Variants in BTK observed in about 807,000 individuals in gnomAD.
BTK encodes Bruton tyrosine kinase.
BTK carries 5 observed loss-of-function variants against 57.4 expected under a neutral mutation model. That is an observed-to-expected ratio of 0.09 (90% confidence interval 0.05 to 0.18). The LOEUF (loss-of-function observed/expected upper bound fraction) is 0.18, where lower values mean the gene tolerates loss of function less well. Among genes scored for constraint, BTK ranks in the 10% least tolerant of loss-of-function variants. The pLI is 1.00. For missense variants in BTK, 194 were observed against 501.2 expected (o/e 0.39, Z 5.85); for synonymous variants, 154 against 174.3 (o/e 0.88, Z 0.92).
chrX:101,359,424 C>A, intron 9 of BTK, 77 bp from the exon 10 acceptor site: 1 of 976,613 alleles, frequency 1.0e-6, no homozygotes, highest in Non-Finnish European at 1.5e-6. Context: ...CAGGGCTTGT[C>A]CATGTCAGTG....
At chrX:101,382,716 G>T (rs1555981967) in intron 1 of BTK, among the ~76,000 whole-genome samples, 1 of 111,590 alleles carries the variant, frequency 9.0e-6, no homozygotes, top group Non-Finnish European at 1.9e-5. Context: ...TCAGATCAGT[G>T]GTAATACTTT....
At chrX:101,362,136 C>T (rs372518266) in intron 7 of BTK, 37 bp downstream of exon 7, 9 of 1,187,060 alleles carry the variant, frequency 7.6e-6, no homozygotes, top group Non-Finnish European at 9.2e-6. Context: ...TATAAGTTTC[C>T]ATTTAAGCAG....
At chrX:101,389,571 C>T (rs370008668), upstream of BTK, among the ~76,000 whole-genome samples, 1 of 111,323 alleles carries the variant, frequency 9.0e-6, no homozygotes, top group East Asian at 2.8e-4. Flanking sequence ...AGGTCCCACG[C>T]GTGTTCCTGG....
At chrX:101,371,203 A>C (rs1039095009) in intron 4 of BTK, among the ~76,000 whole-genome samples, 1 of 112,193 alleles carries the variant, frequency 8.9e-6, no homozygotes, top group Non-Finnish European at 1.9e-5. Flanking sequence ...AACAGAATTT[A>C]GGTTTATGCA....
chrX:101,360,035 T>TATAG (rs1555978402), intron 9 of BTK, 53 bp downstream of exon 9: 5 of 503,820 alleles, frequency 9.9e-6, no homozygotes, highest in Admixed American at 2.7e-5. Context: ...TATATATATA[T>TATAG]AGAGAGAGAG....
intron 8 of BTK, 121 bp downstream of exon 8, chrX:101,360,447 A>G: frequency 1.3e-6 from 1 of 779,527 alleles, no homozygotes; most frequent in South Asian, 2.3e-5. Flanking sequence ...GAGCATGTTC[A>G]GTCTGGTGTG....
chrX:101,364,486 CACTT>C (rs1468620553), intron 5 of BTK, among the ~76,000 whole-genome samples: 1 of 109,268 alleles, frequency 9.2e-6, no homozygotes, highest in African/African-American at 3.3e-5. Flanking sequence ...ACACTTCACT[CACTT>C]AAGGCTTTGC....
chrX:101,374,356 G>A, intron 3 of BTK, 180 bp downstream of exon 3: 1 of 479,010 alleles, frequency 2.1e-6, no homozygotes, highest in Non-Finnish European at 3.7e-6. Flanking sequence ...GAGATGTTCT[G>A]AATATGAAGG....
Position 101,349,676 on chromosome X carries a change from T to G in BTK, c.*209A>C. 2.3e-6 allele frequency: 1 copy of G among 438,926 alleles called. No individual in the cohort carries two copies. The highest frequency in any genetic ancestry group is 4.0e-6 in the Non-Finnish European group (1 of 249,026). 36.2% of individuals were successfully genotyped at this position (438,926 alleles called of 1,213,427 possible). ...GTCTGTCTTAATTCTCTCGGGAAATTTCAGGCACAATAATTTCTTGGCCTT... is the reference window on the plus strand; with the variant it reads ...GTCTGTCTTAATTCTCTCGGGAAATGTCAGGCACAATAATTTCTTGGCCTT... On this transcript the variant is annotated 3_prime_UTR_variant, in exon 19 of 19. Coordinates refer to ENST00000308731, the MANE Select transcript of BTK (RefSeq NM_000061.3).
chrX:101,378,878 A>G (rs1435983710), intron 1 of BTK, among the ~76,000 whole-genome samples: 6 of 111,369 alleles, frequency 5.4e-5, no homozygotes, highest in Non-Finnish European at 9.4e-5. Flanking sequence ...ATAAAATACT[A>G]TTAAGAATAA....
chrX:101,380,689 A>G (rs1927381005), intron 1 of BTK, among the ~76,000 whole-genome samples: 1 of 111,211 alleles, frequency 9.0e-6, no homozygotes, highest in Admixed American at 9.7e-5. Flanking sequence ...AGTATCTATA[A>G]AAGATATATA....
intron 2 of BTK, 143 bp downstream of exon 2, chrX:101,375,001 G>A (rs1927160906): frequency 1.4e-6 from 1 of 713,157 alleles, no homozygotes; most frequent in African/African-American, 2.2e-5. Context: ...TATAGGCTAG[G>A]AAATATTTTG....
intron 5 of BTK, among the ~76,000 whole-genome samples, chrX:101,363,006 A>G (rs1926722173): frequency 8.9e-6 from 1 of 112,517 alleles, no homozygotes; most frequent in Admixed American, 9.4e-5. Flanking sequence ...AGTAGCCATT[A>G]CAATGTTCCT....
chrX:101,372,736 C>T (rs1345099693), intron 3 of BTK, among the ~76,000 whole-genome samples: 3 of 108,166 alleles, frequency 2.8e-5, no homozygotes, highest in Non-Finnish European at 3.8e-5. Context: ...TGAGCCACCA[C>T]GCCCCACCTG....
intron 3 of BTK, among the ~76,000 whole-genome samples, chrX:101,374,035 A>C (rs782742870): frequency 1.8e-5 from 2 of 109,379 alleles, no homozygotes; most frequent in Non-Finnish European, 3.8e-5. Context: ...ACAGAGCGAG[A>C]CTCTGTCTAA....
intron 1 of BTK, among the ~76,000 whole-genome samples, chrX:101,380,505 C>G (rs1035358331): frequency 2.7e-5 from 3 of 111,156 alleles, no homozygotes; most frequent in Admixed American, 9.7e-5. Flanking sequence ...TCTACAAAAT[C>G]CTAAAATTGT....
intron 11 of BTK, 69 bp downstream of exon 11, chrX:101,358,548 A>AGCATC: frequency 8.6e-7 from 1 of 1,162,112 alleles, no homozygotes; most frequent in Non-Finnish European, 1.2e-6. Context: ...GGACGGGCAC[A>AGCATC]GCATCAAGGA....
rs1555978532 is a variant in BTK at position 101,360,770 on chromosome X, G to T, written c.589-15C>A. On this transcript the variant is annotated splice_polypyrimidine_tract_variant and intron_variant, in intron 7 of 18. Coordinates refer to ENST00000308731, the MANE Select transcript of BTK (RefSeq NM_000061.3). Reference sequence around the variant, plus strand: ...TTTTTCAAGATCTATGTAGTTAGGAGAAAAGGTAGGAGGGTTTGTCAAGAT... The same window carrying T: ...TTTTTCAAGATCTATGTAGTTAGGATAAAAGGTAGGAGGGTTTGTCAAGAT... The T allele has an allele frequency of 8.3e-7, 1 of 1,202,944 alleles. No individual in the cohort carries two copies. The highest frequency in any genetic ancestry group is 1.1e-6 in the Non-Finnish European group (1 of 887,943).
chrX:101,364,986 C>T (rs1316216474), intron 5 of BTK, among the ~76,000 whole-genome samples: 3 of 111,266 alleles, frequency 2.7e-5, no homozygotes, highest in Admixed American at 9.6e-5. Context: ...GTGATTCACC[C>T]GCCCCCCATC....
Sources: gnomAD v4.1 joint callset for allele counts (sites outside exome capture counted in the v4.1 genomes callset) on GRCh38, gnomAD v4.1.1 for gene constraint, MANE v1.5 for transcripts, NCBI Gene and HGNC (gene_info 2026-07-23, HGNC 2026-07-21) for gene names.